CFAP57: variants seen among roughly 807,000 people sequenced by gnomAD.
CFAP57 encodes the protein cilia- and flagella-associated protein 57.
A neutral mutation model predicts 146.8 loss-of-function variants in CFAP57; 116 were observed. The ratio of observed to expected loss-of-function variants is 0.79; its 90% CI spans 0.68 to 0.92. The LOEUF is 0.92. Among genes scored for constraint, CFAP57 ranks in the 40% least tolerant of loss-of-function variants. The pLI, the probability that CFAP57 is intolerant of heterozygous loss-of-function variation, is 0.00. For synonymous variants in CFAP57, 518 were observed against 552.8 expected (o/e 0.94, Z 0.88); for missense variants, 1,377 against 1,527.2 (o/e 0.90, Z 1.64).
At position 43,254,322 on chromosome 1, in the gene CFAP57, G is replaced by A; in HGVS notation, c.*131G>A. ...CCAGCAACCTCTTTCTCTTGCCCTG[G>A]GGAATTTGGGACACAGAATAAAGGT... On this transcript the variant is annotated 3_prime_UTR_variant, in exon 23 of 23. Coordinates refer to ENST00000372492, the MANE Select transcript of CFAP57 (RefSeq NM_001378189.1). 1.3e-6 allele frequency: 1 copy of A among 784,290 alleles called. No homozygotes were observed. Among genetic ancestry groups the A allele is most frequent in the Non-Finnish European group, 2.0e-6 (1 of 501,774 alleles). 48.6% of individuals were successfully genotyped at this position (784,290 alleles called of 1,614,324 possible).
At chr1:43,177,880 C>T (rs1320161322) in intron 2 of CFAP57, among the ~76,000 whole-genome samples, 1 of 152,130 alleles carries the variant, frequency 6.6e-6, no homozygotes, top group East Asian at 1.9e-4. Flanking sequence ...GGTTGGGGAC[C>T]CCTGCCCTAG....
chr1:43,220,537 CA>C (rs1645003047), intron 13 of CFAP57, among the ~76,000 whole-genome samples: 1 of 152,162 alleles, frequency 6.6e-6, no homozygotes, highest in Admixed American at 6.5e-5. Context: ...CCAGCATGGG[CA>C]ACATAGTGAG....
chr1:43,247,205 CAAAAG>C (rs1253306067), intron 22 of CFAP57, among the ~76,000 whole-genome samples: 2 of 152,242 alleles, frequency 1.3e-5, no homozygotes, highest in South Asian at 2.1e-4. Flanking sequence ...AAGCAAAACA[CAAAAG>C]AGAACAAACA....
chr1:43,198,529 C>T lies in CFAP57; in HGVS notation c.1311C>T (p.Ser437=). 6.2e-7 allele frequency: 1 copy of T among 1,614,154 alleles called. No homozygotes were observed. Among genetic ancestry groups the T allele is most frequent in the Non-Finnish European group, 8.5e-7 (1 of 1,180,016 alleles). The part of the protein sequence containing the change: ...KEYQEEAYSI[S]LHPSGHFIVV... ...ACCAAGAAGAGGCATATTCCATCAGCCTTCATCCATCTGGACACTTCATTG... is the reference window on the plus strand; with the variant it reads ...ACCAAGAAGAGGCATATTCCATCAGTCTTCATCCATCTGGACACTTCATTG... Residue 437 remains serine (S), a synonymous_variant, in exon 8 of 23, where the codon AGC becomes AGT. Transcript: ENST00000372492.
intron 18 of CFAP57, among the ~76,000 whole-genome samples, chr1:43,227,648 G>A (rs1032102733): frequency 6.6e-6 from 1 of 152,148 alleles, no homozygotes; most frequent in Admixed American, 6.5e-5. Flanking sequence ...AGGTAGAGAG[G>A]CGAGATTAGA....
chr1:43,175,306 TAC>T (rs1391009189), intron 2 of CFAP57, among the ~76,000 whole-genome samples: 1 of 151,930 alleles, frequency 6.6e-6, no homozygotes, highest in Non-Finnish European at 1.5e-5. Flanking sequence ...ATACTATATG[TAC>T]ATGTATATAT....
intron 15 of CFAP57, 40 bp downstream of exon 15, chr1:43,222,335 GA>G: frequency 2.2e-6 from 3 of 1,385,740 alleles, no homozygotes; most frequent in South Asian, 3.8e-5. Context: ...CTTTCACAGA[GA>G]AAAGCCACCC....
At chr1:43,172,605 G>T in intron 1 of CFAP57, 130 bp from the exon 2 acceptor site, 1 of 809,392 alleles carries the variant, frequency 1.2e-6, no homozygotes, top group Non-Finnish European at 2.0e-6. Flanking sequence ...GGAAAGGGGA[G>T]GGACAAGGGG....
At chr1:43,181,300 C>T (rs1308642379) in intron 2 of CFAP57, among the ~76,000 whole-genome samples, 2 of 152,054 alleles carry the variant, frequency 1.3e-5, no homozygotes, top group Non-Finnish European at 2.9e-5. Context: ...TTGAACTCCC[C>T]ATTTCAAGTC....
intron 21 of CFAP57, among the ~76,000 whole-genome samples, chr1:43,240,926 C>A (rs191198671): frequency 1.3e-5 from 2 of 152,202 alleles, no homozygotes; most frequent in African/African-American, 4.8e-5. Context: ...GCTCCGCCTC[C>A]TGGGTTCATG....
At chr1:43,178,636 C>G (rs1328881773) in intron 2 of CFAP57, among the ~76,000 whole-genome samples, 1 of 152,184 alleles carries the variant, frequency 6.6e-6, no homozygotes, top group Non-Finnish European at 1.5e-5. Context: ...CAGGAAACAA[C>G]AGGTACTGGA....
Position 43,227,014 on chromosome 1 carries a change from A to G in CFAP57, c.2897A>G (p.Asn966Ser). The change falls in exon 18 of 23, where the codon AAT (asparagine) becomes AGT (serine). Residue 966 changes from asparagine (N) to serine (S), a missense_variant. Coordinates refer to ENST00000372492, the MANE Select transcript of CFAP57 (RefSeq NM_001378189.1). ...EKRIYDLKKKNQELGKFKFVL... is the reference protein window; with the variant it reads ...EKRIYDLKKKSQELGKFKFVL... The stretch of plus-strand genomic sequence containing the variant: ...CGAATTTATGATCTGAAAAAGAAAA[A>G]TCAAGAACTAGGGAAATTCAAGTTT... The G allele has an allele frequency of 6.6e-7, 1 of 1,525,602 alleles. No individual in the cohort carries two copies. Among genetic ancestry groups the G allele is most frequent in the South Asian group, 1.3e-5 (1 of 79,252 alleles). The allele number at this position is 1,525,602 out of a possible 1,614,324, so 94.5% of individuals were successfully genotyped here.
chr1:43,248,955 C>T (rs1277114231), intron 22 of CFAP57, among the ~76,000 whole-genome samples: 5 of 151,718 alleles, frequency 3.3e-5, no homozygotes, highest in Admixed American at 3.3e-4. Flanking sequence ...GATCTCGGCT[C>T]AGTGCAAGCT....
At chr1:43,237,118 T>C (rs1645736492) in intron 21 of CFAP57, among the ~76,000 whole-genome samples, 1 of 152,038 alleles carries the variant, frequency 6.6e-6, no homozygotes, top group South Asian at 2.1e-4. Context: ...TGTGTGCTGG[T>C]CAGGAGCCAG....
Position 43,172,718 on chromosome 1 carries a change from G to A in CFAP57, c.-19-17G>A. On this transcript the variant is annotated splice_polypyrimidine_tract_variant and intron_variant, in intron 1 of 22. Coordinates refer to ENST00000372492, the MANE Select transcript of CFAP57 (RefSeq NM_001378189.1). ...GCGGTGCTCTCCACTCTGAAGCGCT[G>A]CCTTGGTCTTCAGCAGAACTGTTTG... is the stretch of plus-strand genomic sequence containing the variant. The A allele has an allele frequency of 6.2e-7, 1 of 1,613,036 alleles. No individual in the cohort carries two copies. Among genetic ancestry groups the A allele is most frequent in the South Asian group, 1.1e-5 (1 of 91,022 alleles).
At chr1:43,180,948 C>T (rs1645380250) in intron 2 of CFAP57, among the ~76,000 whole-genome samples, 1 of 152,166 alleles carries the variant, frequency 6.6e-6, no homozygotes, top group Non-Finnish European at 1.5e-5. Context: ...CCCTTTGTCA[C>T]ATCCACCCCG....
chr1:43,206,866 C>G lies in CFAP57; in HGVS notation c.1689C>G (p.Ser563=). 1 of 1,614,134 alleles carries G rather than the reference C, an allele frequency of 6.2e-7. No individual in the cohort carries two copies. The highest frequency in any genetic ancestry group is 1.1e-5 in the South Asian group (1 of 91,082). ...GCAGCTACAACTGTGTTACTGTCTC[C>G]CCCGATGCCAAAATTATCTTTGCTG... ...KSCSYNCVTV[S]PDAKIIFAVG... Residue 563 remains serine, a synonymous_variant, in exon 10 of 23, where the codon TCC becomes TCG. Transcript: ENST00000372492.
intron 21 of CFAP57, among the ~76,000 whole-genome samples, chr1:43,240,250 A>C (rs867425147): frequency 6.7e-6 from 1 of 149,850 alleles, no homozygotes; most frequent in Non-Finnish European, 1.5e-5. Flanking sequence ...ACTCCTGGGC[A>C]GCAGCAGGAC....
chr1:43,223,935 C>T, intron 16 of CFAP57, 111 bp from the exon 17 acceptor site: 1 of 1,249,086 alleles, frequency 8.0e-7, no homozygotes, highest in South Asian at 1.6e-5. Flanking sequence ...TAAGTGTTTT[C>T]AGTCCACAGA....
Sources: allele counts gnomAD v4.1 joint callset (sites outside exome capture counted in the v4.1 genomes callset), GRCh38; gene constraint gnomAD v4.1.1; transcripts MANE v1.5; gene names NCBI Gene and HGNC (gene_info 2026-07-23, HGNC 2026-07-21).